The following DYNLT2B variants were observed in gnomAD, a reference collection of about 807,000 sequenced individuals.
The protein encoded by DYNLT2B is dynein light chain Tctex-type 2B, also known as dynein light chain Tctex-type protein 2B.
DYNLT2B carries 14 observed loss-of-function variants against 19.5 expected under a neutral mutation model. That is an observed-to-expected ratio of 0.72 (90% confidence interval 0.47 to 1.12). The LOEUF is 1.12. Among genes scored for constraint, DYNLT2B ranks in the 50% most tolerant of loss-of-function variants. The pLI is 0.00. For synonymous variants in DYNLT2B, 70 were observed against 59.7 expected, an observed-to-expected ratio of 1.17 and a Z score of -0.79; for missense variants, 133 against 174.7, an observed-to-expected ratio of 0.76 and a Z score of 1.35.
intron 3 of DYNLT2B, among the ~76,000 whole-genome samples, chr3:196,302,813 C>T (rs1372064844): frequency 1.3e-5 from 2 of 152,054 alleles, no homozygotes; most frequent in African/African-American, 4.8e-5. Context: ...CCGACTCCAT[C>T]TTGCGTCTAA....
chr3:196,294,028 CT>C (rs1391517887), intron 4 of DYNLT2B, among the ~76,000 whole-genome samples: 3 of 152,074 alleles, frequency 2.0e-5, no homozygotes, highest in Non-Finnish European at 4.4e-5. Flanking sequence ...TGTCCAGCCC[CT>C]GATCCCTAGG....
intron 3 of DYNLT2B, among the ~76,000 whole-genome samples, chr3:196,299,900 C>T (rs1362948264): frequency 6.6e-6 from 1 of 152,140 alleles, no homozygotes; most frequent in Non-Finnish European, 1.5e-5. Flanking sequence ...CACTGCACTC[C>T]AGCCTGGGCA....
chr3:196,313,115 A>C lies in DYNLT2B; in HGVS notation c.247+2983T>G, dbSNP rs145805270. Among the ~76,000 whole-genome samples, 175 of 152,318 alleles carry C rather than the reference A, an allele frequency of 1.1e-3. 3 individuals carry two copies. In the East Asian group the frequency reaches 0.02, roughly 17 times the overall value. On this transcript the variant is annotated intron_variant, in intron 2 of 4. Transcript: ENST00000325318. ...AGAATGAATATGACATGACTATGGGAAACAGGTCTACAATATCCCATTGTC... is the reference window on the plus strand; with the variant it reads ...AGAATGAATATGACATGACTATGGGCAACAGGTCTACAATATCCCATTGTC...
intron 3 of DYNLT2B, among the ~76,000 whole-genome samples, chr3:196,303,346 T>C (rs148059521): frequency 0.011 from 1,720 of 152,276 alleles, 30 homozygotes; most frequent in African/African-American, 0.038. Flanking sequence ...TTTTTCTCTA[T>C]GGCAATTCCC....
Position 196,318,214 on chromosome 3 carries a change from C to T in DYNLT2B, c.-62G>A. On this transcript the variant is annotated 5_prime_UTR_variant, in exon 1 of 5. Coordinates refer to ENST00000325318, the MANE Select transcript of DYNLT2B (RefSeq NM_152773.5). Reference sequence around the variant, plus strand: ...AGGCCTAGCGGGTTGCGGTCGCGGCCGGCAGCAGGGAAAGCGTCTCCAGGG... The same window carrying T: ...AGGCCTAGCGGGTTGCGGTCGCGGCTGGCAGCAGGGAAAGCGTCTCCAGGG... 4.0e-6 allele frequency: 4 copies of T among 1,002,764 alleles called. No individual in the cohort carries two copies. The highest frequency in any genetic ancestry group is 5.5e-6 in the Non-Finnish European group (4 of 723,168). 62.1% of individuals were successfully genotyped at this position (1,002,764 alleles called of 1,614,324 possible).
chr3:196,308,864 G>T (rs185266953), intron 2 of DYNLT2B, among the ~76,000 whole-genome samples: 2 of 152,174 alleles, frequency 1.3e-5, no homozygotes, highest in Admixed American at 1.3e-4. Context: ...CTTAAATCAC[G>T]GTTCTGAGGG....
chr3:196,309,019 C>T (rs1384427648), intron 2 of DYNLT2B, among the ~76,000 whole-genome samples: 2 of 152,076 alleles, frequency 1.3e-5, no homozygotes, highest in Non-Finnish European at 2.9e-5. Context: ...AAATCCCCCA[C>T]ATTATATCAG....
intron 4 of DYNLT2B, among the ~76,000 whole-genome samples, chr3:196,294,749 T>TTTTTTTAA (rs1726181221): frequency 6.6e-6 from 1 of 152,178 alleles, no homozygotes; most frequent in Non-Finnish European, 1.5e-5. Flanking sequence ...CTTTTTTTAA[T>TTTTTTTAA]TTTTGAGACA....
chr3:196,293,508 C>T (rs989957623), intron 4 of DYNLT2B, among the ~76,000 whole-genome samples: 1 of 151,716 alleles, frequency 6.6e-6, no homozygotes, highest in African/African-American at 2.4e-5. Context: ...CACCTGTAGT[C>T]CCAGCTACTC....
rs1471775707 is a variant in DYNLT2B at position 196,316,894 on chromosome 3, T to TGTGTGTGTGTGTGTTGTGTG, written c.114-683_114-664dup. ...CGTGAGCCTGACATTTTTTTCAGTG[T>TGTGTGTGTGTGTGTTGTGTG]GTGTGTGTGTGTGTTGTGTGGTGTG... On this transcript the variant is annotated intron_variant, in intron 1 of 4. Transcript: ENST00000325318. Among the ~76,000 whole-genome samples the TGTGTGTGTGTGTGTTGTGTG allele has an allele frequency of 5.8e-5, 8 of 137,202 alleles. No homozygotes were observed. The South Asian group carries it at 1.5e-3, about 25-fold the overall frequency. 90.0% of individuals were successfully genotyped at this position (137,202 alleles called of 152,430 possible). A position where few individuals can be genotyped will look rare whatever the true frequency, so the allele number is the denominator to read the frequency against.
chr3:196,299,543 G>A (rs1021187885), intron 3 of DYNLT2B, among the ~76,000 whole-genome samples: 5 of 152,098 alleles, frequency 3.3e-5, no homozygotes, highest in Non-Finnish European at 7.4e-5. Context: ...TCTTAACAAA[G>A]CTAAGGAGGT....
At position 196,316,890 on chromosome 3, in the gene DYNLT2B, A is replaced by AGTGTGTGTGTGTGTGT. The variant is rs377469506; in HGVS notation, c.114-675_114-660dup. On this transcript the variant is annotated intron_variant, in intron 1 of 4. Coordinates refer to ENST00000325318, the MANE Select transcript of DYNLT2B (RefSeq NM_152773.5). ...GGCCCGTGAGCCTGACATTTTTTTC[A>AGTGTGTGTGTGTGTGT]GTGTGTGTGTGTGTGTGTTGTGTGG... 1.3e-3 allele frequency among the ~76,000 whole-genome samples: 94 copies of AGTGTGTGTGTGTGTGT among 74,226 alleles called. 9 individuals are homozygous for AGTGTGTGTGTGTGTGT. The highest frequency in any genetic ancestry group is 7.0e-3 in the Middle Eastern group (1 of 142). 48.7% of individuals were successfully genotyped at this position (74,226 alleles called of 152,430 possible).
intron 4 of DYNLT2B, 87 bp from the exon 5 acceptor site, chr3:196,291,461 C>G (rs181211159): frequency 7.2e-7 from 1 of 1,386,532 alleles, no homozygotes; most frequent in Non-Finnish European, 9.9e-7. Context: ...GAAACTAACA[C>G]CATCTCAGAT....
At chr3:196,311,132 A>G (rs979157318) in intron 2 of DYNLT2B, among the ~76,000 whole-genome samples, 1 of 152,202 alleles carries the variant, frequency 6.6e-6, no homozygotes, top group Non-Finnish European at 1.5e-5. Context: ...CAGAACTAAT[A>G]AATTCAAAAT....
chr3:196,292,643 T>C (rs1726118887), intron 4 of DYNLT2B: 1 of 152,158 alleles, frequency 6.6e-6, no homozygotes, highest in African/African-American at 2.4e-5. Context: ...ACTCAGTGTA[T>C]TGTTTACCTC....
chr3:196,304,322 AG>A lies in DYNLT2B; in HGVS notation c.317+2620del, dbSNP rs1360897661. Among the ~76,000 whole-genome samples, 9 of 152,150 alleles carry A rather than the reference AG, an allele frequency of 5.9e-5. No individual in the cohort carries two copies. In the South Asian group the frequency reaches 1.7e-3, roughly 28 times the overall value. On this transcript the variant is annotated intron_variant, in intron 3 of 4. Coordinates refer to ENST00000325318, the MANE Select transcript of DYNLT2B (RefSeq NM_152773.5). ...AATTTTTTGTAATTTTAGTAGAGAC[AG>A]GGTTTCGCCAGGTTGGCCAGGCTGG...
chr3:196,295,745 C>A (rs1726207301), intron 4 of DYNLT2B, among the ~76,000 whole-genome samples: 1 of 152,088 alleles, frequency 6.6e-6, no homozygotes, highest in Admixed American at 6.6e-5. Flanking sequence ...AAATAATATG[C>A]TAACTAAATA....
At position 196,306,434 on chromosome 3, in the gene DYNLT2B, C is replaced by CAA. The variant is rs147562790; in HGVS notation, c.317+507_317+508dup. On this transcript the variant is annotated intron_variant, in intron 3 of 4. Transcript: ENST00000325318. ...CAAAATGAGACCCTGTCTCTTTAAA[C>CAA]AAAAAAAAAAGAAAAGAAAGAAAAC... Among the ~76,000 whole-genome samples the CAA allele has an allele frequency of 3.5e-4, 49 of 139,060 alleles. No homozygotes were observed. The East Asian group carries it at 8.5e-3, about 24-fold the overall frequency. 91.2% of individuals were successfully genotyped at this position (139,060 alleles called of 152,430 possible).
At chr3:196,312,343 A>T (rs1458590965) in intron 2 of DYNLT2B, among the ~76,000 whole-genome samples, 1 of 152,180 alleles carries the variant, frequency 6.6e-6, no homozygotes, top group Non-Finnish European at 1.5e-5. Context: ...TTAAGCAGAG[A>T]ACATCAAGCT....
Sources: allele counts gnomAD v4.1 joint callset (sites outside exome capture counted in the v4.1 genomes callset), GRCh38; gene constraint gnomAD v4.1.1; transcripts MANE v1.5; gene names NCBI Gene and HGNC (gene_info 2026-07-23, HGNC 2026-07-21).